LOXHD1: variants seen among roughly 807,000 people sequenced by gnomAD.
LOXHD1 encodes lipoxygenase homology PLAT domains 1.
In LOXHD1, 205 loss-of-function variants were observed where a neutral mutation model predicts 248.2. That is an observed-to-expected ratio of 0.83 (90% CI 0.74 to 0.93). LOXHD1 has a LOEUF of 0.93. LOXHD1 is among the 40% of genes least tolerant of loss of function. The probability of loss-of-function intolerance (pLI) is 0.00; values close to 1 mark genes in which losing one functional copy is unlikely to be tolerated. For synonymous variants in LOXHD1, 1,113 were observed against 1,162.8 expected, an observed-to-expected ratio of 0.96 and a Z score of 0.87; for missense variants, 2,930 against 2,971.6, an observed-to-expected ratio of 0.99 and a Z score of 0.33.
rs896179982 is a variant in LOXHD1 at position 46,550,389 on chromosome 18, A to T, written c.3351-3331T>A. Among the ~76,000 whole-genome samples the T allele has an allele frequency of 1.6e-4, 24 of 151,544 alleles. No individual in the cohort carries two copies. In the East Asian group the frequency reaches 4.3e-3, roughly 27 times the overall value. ...GAGATCGAGACCATCCTGGCTAACA[A>T]GGTGAAACCCCGTCTCTACTAAAAA... On this transcript the variant is annotated intron_variant, in intron 21 of 40. Coordinates refer to ENST00000642948, the MANE Select transcript of LOXHD1 (RefSeq NM_001384474.1).
chr18:46,485,693 C>T (rs1050113530), intron 38 of LOXHD1, among the ~76,000 whole-genome samples: 5 of 152,174 alleles, frequency 3.3e-5, no homozygotes, highest in African/African-American at 7.2e-5. Context: ...CTGGACTAGA[C>T]CCTGGGTGAC....
intron 39 of LOXHD1, among the ~76,000 whole-genome samples, chr18:46,484,669 A>T (rs1315905619): frequency 6.6e-6 from 1 of 152,194 alleles, no homozygotes; most frequent in African/African-American, 2.4e-5. Context: ...CTGTCTCAGC[A>T]GTCCTGGAGA....
Position 46,560,555 on chromosome 18 carries a change from G to C in LOXHD1, c.2599-10C>G. 1 of 1,517,716 alleles carries C rather than the reference G, an allele frequency of 6.6e-7. No homozygotes were observed. The highest frequency in any genetic ancestry group is 2.5e-5 in the East Asian group (1 of 40,574). The allele number at this position is 1,517,716 out of a possible 1,614,324, so 94.0% of individuals were successfully genotyped here. ...CGTCGGCCGCCTCAAGCTGTTCAAAGGGCAGGGCAGCGGCTGTCGTGGCCC... is the reference window on the plus strand; with the variant it reads ...CGTCGGCCGCCTCAAGCTGTTCAAACGGCAGGGCAGCGGCTGTCGTGGCCC... On this transcript the variant is annotated splice_polypyrimidine_tract_variant and intron_variant, in intron 18 of 40. Transcript: ENST00000642948.
chr18:46,557,594 G>T, intron 20 of LOXHD1, 105 bp from the exon 21 acceptor site: 2 of 1,386,170 alleles, frequency 1.4e-6, no homozygotes, highest in Non-Finnish European at 2.0e-6. Flanking sequence ...GAGGCCAATG[G>T]TGAGACCCAA....
At chr18:46,648,984 C>A (rs999912433) in intron 2 of LOXHD1, among the ~76,000 whole-genome samples, 171 bp downstream of exon 2, 1 of 152,146 alleles carries the variant, frequency 6.6e-6, no homozygotes, top group African/African-American at 2.4e-5. Context: ...GGAGGTGCAC[C>A]GGGGGATCCC....
At chr18:46,598,318 T>C (rs2038288458) in intron 8 of LOXHD1, among the ~76,000 whole-genome samples, 1 of 152,014 alleles carries the variant, frequency 6.6e-6, no homozygotes, top group Admixed American at 6.5e-5. Flanking sequence ...ATTTTACAAA[T>C]CTAATCTAAG....
intron 12 of LOXHD1, 91 bp downstream of exon 12, chr18:46,591,842 A>G (rs1486220828): frequency 2.0e-6 from 3 of 1,463,708 alleles, no homozygotes; most frequent in Admixed American, 4.0e-5. Context: ...GATGCAAAGC[A>G]GACAAGACTC....
rs573600473 is a variant in LOXHD1, at chr18:46,524,758, G to A, written c.4690C>T (p.Leu1564Phe). Residue 1564 changes from leucine (L) to phenylalanine (F), a missense_variant, in exon 30 of 41, where the codon CTC becomes TTC. Leu to Phe is a conservative substitution (Grantham distance 22). Coordinates refer to ENST00000642948, the MANE Select transcript of LOXHD1 (RefSeq NM_001384474.1). ...CGCCCATCCTCCTTCTTCAGGGAGA[G>A]CCAGCGCCCGCATAGGAACAGGAAC... ...DEFLFLCGRW[L>F]SLKKEDGRLE... The A allele has an allele frequency of 1.6e-5, 25 of 1,551,756 alleles. 1 individual carries two copies. In the South Asian group the frequency reaches 2.4e-4, roughly 15 times the overall value.
Position 46,657,189 on chromosome 18 carries a change from G to T in LOXHD1, c.-156C>A, listed in dbSNP as rs2039194949. ...AGTGCCCCGTTTTCTTGGCTTCCCC[G>T]TGCCCAAGGTGCTGTTCCCTCTGCC... On this transcript the variant is annotated 5_prime_UTR_variant, in exon 1 of 41. Transcript: ENST00000642948. The T allele has an allele frequency of 8.4e-7, 1 of 1,191,240 alleles. No homozygotes were observed. 73.8% of individuals were successfully genotyped at this position (1,191,240 alleles called of 1,614,324 possible).
intron 33 of LOXHD1, among the ~76,000 whole-genome samples, chr18:46,519,744 A>G (rs1023197395): frequency 1.3e-5 from 2 of 152,176 alleles, no homozygotes; most frequent in Non-Finnish European, 2.9e-5. Flanking sequence ...TGTTCTCTGC[A>G]TCCATCTTTC....
chr18:46,527,736 G>T (rs371329856), intron 29 of LOXHD1, among the ~76,000 whole-genome samples: 6 of 152,314 alleles, frequency 3.9e-5, no homozygotes, highest in African/African-American at 1.4e-4. Flanking sequence ...TAAGGGCAAT[G>T]AACAATTAGA....
chr18:46,649,896 C>A (rs2144401433), intron 1 of LOXHD1, among the ~76,000 whole-genome samples: 1 of 152,182 alleles, frequency 6.6e-6, no homozygotes, highest in South Asian at 2.1e-4. Flanking sequence ...AGAGAGAAGG[C>A]AAGAATGCAT....
rs1395671489 is a variant in LOXHD1 at position 46,518,180 on chromosome 18, T to C, written c.5348A>G (p.Tyr1783Cys). 2 of 1,551,686 alleles carry C rather than the reference T, an allele frequency of 1.3e-6. No homozygotes were observed. Among genetic ancestry groups the C allele is most frequent in the South Asian group, 2.4e-5 (2 of 84,064 alleles). ...CTCCTCTGTGCTCCCGTTGATGCCG[T>C]AGAGGGTCATGAAGATGTTGGAGTC... ...GTDSNIFMTL[Y>C]GINGSTEEMQ... Residue 1783 changes from tyrosine (Y) to cysteine (C), a missense_variant, in exon 34 of 41, where the codon TAC (tyrosine) becomes TGC (cysteine). Coordinates refer to ENST00000642948, the MANE Select transcript of LOXHD1 (RefSeq NM_001384474.1).
At chr18:46,582,002 A>G (rs898726962) in intron 12 of LOXHD1, among the ~76,000 whole-genome samples, 6 of 152,258 alleles carry the variant, frequency 3.9e-5, no homozygotes, top group Non-Finnish European at 7.3e-5. Flanking sequence ...AAATACTACA[A>G]GAATTAATCA....
intron 12 of LOXHD1, among the ~76,000 whole-genome samples, chr18:46,590,220 ACT>A (rs754106100): frequency 6.6e-6 from 1 of 152,058 alleles, no homozygotes; most frequent in East Asian, 1.9e-4. Flanking sequence ...TGAATTAGAA[ACT>A]CTGCAAGTGG....
chr18:46,612,739 T>C (rs892632375), intron 5 of LOXHD1, among the ~76,000 whole-genome samples: 1 of 152,156 alleles, frequency 6.6e-6, no homozygotes, highest in Non-Finnish European at 1.5e-5. Context: ...TTATTTTTGT[T>C]TTTTCACATT....
intron 4 of LOXHD1, among the ~76,000 whole-genome samples, chr18:46,623,235 A>G (rs974444423): frequency 6.6e-6 from 1 of 152,162 alleles, no homozygotes; most frequent in Non-Finnish European, 1.5e-5. Flanking sequence ...CAAATCTACA[A>G]GCTCTCTGAT....
intron 1 of LOXHD1, among the ~76,000 whole-genome samples, chr18:46,655,587 G>A (rs747494035): frequency 2.0e-5 from 3 of 152,170 alleles, no homozygotes; most frequent in Non-Finnish European, 2.9e-5. Context: ...GTTAGAAGGT[G>A]GCGGATGCTT....
intron 38 of LOXHD1, among the ~76,000 whole-genome samples, chr18:46,488,510 T>A (rs567230194): frequency 1.3e-5 from 2 of 152,106 alleles, no homozygotes; most frequent in African/African-American, 2.4e-5. Context: ...TTGATGGCCA[T>A]CCCCTCAGGA....
Sources: gnomAD v4.1 joint callset for allele counts (sites outside exome capture counted in the v4.1 genomes callset) on GRCh38, gnomAD v4.1.1 for gene constraint, MANE v1.5 for transcripts, NCBI Gene and HGNC (gene_info 2026-07-23, HGNC 2026-07-21) for gene names.